The following CHM variants were observed in gnomAD, a reference collection of about 807,000 sequenced individuals.
CHM encodes rab proteins geranylgeranyltransferase component A 1.
CHM carries 10 observed loss-of-function variants against 49.0 expected under a neutral mutation model. The ratio of observed to expected loss-of-function variants is 0.20; its 90% CI spans 0.13 to 0.35. The LOEUF (loss-of-function observed/expected upper bound fraction) is 0.35, where lower values mean the gene tolerates loss of function less well. Ranked by LOEUF, CHM falls within the 10% of genes least tolerant of loss-of-function variation. The pLI, the probability that CHM is intolerant of heterozygous loss-of-function variation, is 1.00. For missense variants in CHM, 455 were observed against 478.4 expected (o/e 0.95, Z 0.46); for synonymous variants, 184 against 167.5 (o/e 1.10, Z -0.76).
intron 1 of CHM, among the ~76,000 whole-genome samples, chrX:86,032,791 C>A (rs1465712795): frequency 9.0e-6 from 1 of 111,183 alleles, no homozygotes; most frequent in Non-Finnish European, 1.9e-5. Context: ...ATTAAGTTAC[C>A]ATTTCATAAC....
rs184489585 is a variant in CHM, at chrX:85,862,401, T to A, written c.*2229A>T. On this transcript the variant is annotated 3_prime_UTR_variant, in exon 15 of 15. Transcript: ENST00000357749. ...ATTGTATTCAGACTCAATCGTCTCA[T>A]CTACTGGAACCTTTTATAATATATT... The A allele has an allele frequency of 8.9e-6, 1 of 112,688 alleles. No homozygotes were observed. Among genetic ancestry groups the A allele is most frequent in the Non-Finnish European group, 1.9e-5 (1 of 53,291 alleles). The allele number at this position is 112,688 out of a possible 1,213,427, so 9.3% of individuals were successfully genotyped here. A position where few individuals can be genotyped will look rare whatever the true frequency, so the allele number is the denominator to read the frequency against.
At chrX:85,900,271 G>C (rs754755057) in intron 11 of CHM, among the ~76,000 whole-genome samples, 72 of 111,802 alleles carry the variant, frequency 6.4e-4, no homozygotes, top group African/African-American at 2.2e-3. Flanking sequence ...ACACAAAAAG[G>C]AAAGTACTGC....
At chrX:85,934,025 G>A (rs1182776218) in intron 8 of CHM, among the ~76,000 whole-genome samples, 1 of 107,653 alleles carries the variant, frequency 9.3e-6, no homozygotes, top group Non-Finnish European at 1.9e-5. Context: ...CTGTTGCCCA[G>A]GCTGGAGTGC....
chrX:85,980,395 C>T (rs1160803920), intron 3 of CHM, among the ~76,000 whole-genome samples: 2 of 112,291 alleles, frequency 1.8e-5, no homozygotes, highest in African/African-American at 6.5e-5. Flanking sequence ...ACAAATACTG[C>T]TTGTTTCTCT....
intron 1 of CHM, among the ~76,000 whole-genome samples, chrX:86,039,309 T>C (rs1273767992): frequency 1.6e-4 from 5 of 30,945 alleles, no homozygotes; most frequent in Admixed American, 1.1e-3. Context: ...CTCATATCCA[T>C]GTGTAAAACT....
chrX:86,012,074 A>G (rs910893832), intron 2 of CHM, among the ~76,000 whole-genome samples: 11 of 112,139 alleles, frequency 9.8e-5, no homozygotes, highest in African/African-American at 3.6e-4. Context: ...TAGGAAACTA[A>G]GACCACTAGT....
At chrX:85,926,400 C>G (rs977196437) in intron 8 of CHM, among the ~76,000 whole-genome samples, 66 of 111,213 alleles carry the variant, frequency 5.9e-4, no homozygotes, top group African/African-American at 2.0e-3. Context: ...TCTCAAAGAA[C>G]TCTGTTAGAT....
intron 5 of CHM, among the ~76,000 whole-genome samples, chrX:85,961,141 G>A (rs1930272681): frequency 1.8e-5 from 2 of 111,096 alleles, no homozygotes; most frequent in Admixed American, 1.9e-4. Context: ...TAGGTCTTTG[G>A]ACGAGCACGG....
At chrX:85,870,590 G>A (rs779449796) in intron 14 of CHM, among the ~76,000 whole-genome samples, 20 of 111,967 alleles carry the variant, frequency 1.8e-4, no homozygotes, top group Admixed American at 1.4e-3. Flanking sequence ...CCAAGAGGGT[G>A]GGGCTCCTGA....
At chrX:85,885,456 A>T (rs1170634231) in intron 12 of CHM, among the ~76,000 whole-genome samples, 1 of 110,673 alleles carries the variant, frequency 9.0e-6, no homozygotes, top group Non-Finnish European at 1.9e-5. Context: ...AAAAGCCATA[A>T]TTTTGTAATA....
chrX:85,900,532 T>G lies in CHM; in HGVS notation c.1413+114A>C, dbSNP rs971508160. ...TTCTCACCACAAAAAAAGGTAACTA[T>G]GTAAAGACATATGTTAATTAGCTTG... On this transcript the variant is annotated intron_variant, in intron 11 of 14. Transcript: ENST00000357749. The G allele has an allele frequency of 7.6e-6, 4 of 526,840 alleles. No individual in the cohort carries two copies. The African/African-American group carries it at 9.3e-5, about 12-fold the overall frequency. The allele number at this position is 526,840 out of a possible 1,213,427, so 43.4% of individuals were successfully genotyped here. A position where few individuals can be genotyped will look rare whatever the true frequency, so the allele number is the denominator to read the frequency against.
rs769169876 is a variant in CHM at position 86,045,262 on chromosome X, T to A, written c.49+2222A>T. Among the ~76,000 whole-genome samples the A allele has an allele frequency of 3.6e-5, 4 of 112,405 alleles. No homozygotes were observed. The Admixed American group carries it at 3.8e-4, about 11-fold the overall frequency. On this transcript the variant is annotated intron_variant, in intron 1 of 14. Transcript: ENST00000357749. Reference sequence around the variant, plus strand: ...AATACATTTAATAAAGCAAACATTTTAAAGGCTACTTTCAGCAAACTATTT... The same window carrying A: ...AATACATTTAATAAAGCAAACATTTAAAAGGCTACTTTCAGCAAACTATTT...
intron 11 of CHM, among the ~76,000 whole-genome samples, chrX:85,897,306 CGTGTGTGTGTGTGTGTGTGTGTGT>C: frequency 2.6e-5 from 2 of 76,507 alleles, no homozygotes; most frequent in African/African-American, 9.1e-5. Context: ...CTTGTGTGTG[CGTGTGTGTGTGTGTGTGTGTGTGT>C]GTGTGTGTGT....
chrX:85,880,710 T>C (rs1407124576), intron 12 of CHM, among the ~76,000 whole-genome samples: 1 of 111,626 alleles, frequency 9.0e-6, no homozygotes, highest in Admixed American at 9.6e-5. Context: ...TGTCTAGTAG[T>C]GAAGTAAGAT....
At chrX:85,951,103 T>C (rs1049260676) in intron 8 of CHM, among the ~76,000 whole-genome samples, 1 of 112,024 alleles carries the variant, frequency 8.9e-6, no homozygotes, top group Admixed American at 9.5e-5. Context: ...TTGCCACCAG[T>C]AGATGTAAAC....
intron 2 of CHM, among the ~76,000 whole-genome samples, chrX:85,985,296 G>A (rs1205678947): frequency 8.9e-6 from 1 of 112,341 alleles, no homozygotes; most frequent in African/African-American, 3.2e-5. Context: ...ACAAAAACGT[G>A]ACCAGACTGC....
In CHM at chrX:85,957,890, C is replaced by T; in HGVS notation, c.905G>A (p.Cys302Tyr). The T allele has an allele frequency of 1.7e-6, 2 of 1,209,073 alleles. No individual in the cohort carries two copies. Among genetic ancestry groups the T allele is most frequent in the South Asian group, 3.5e-5 (2 of 56,742 alleles). ...ATCAGGATATTTCTCATATTCCATA[C>T]AAAATGTAAGAAATTTCATTAGCAT... ...KRMLMKFLTF[C>Y]MEYEKYPDEY... Residue 302 changes from cysteine (C) to tyrosine (Y), a missense_variant, in exon 7 of 15, where the codon TGT becomes TAT. Transcript: ENST00000357749.
At chrX:85,968,654 C>T (rs1930708999) in intron 4 of CHM, among the ~76,000 whole-genome samples, 2 of 112,159 alleles carry the variant, frequency 1.8e-5, no homozygotes, top group Non-Finnish European at 1.9e-5. Context: ...AATAAAAAAG[C>T]ATAAACATGT....
In CHM at chrX:85,972,281, G is replaced by A. The variant is rs1171157663; in HGVS notation, c.314+6486C>T. Among the ~76,000 whole-genome samples, 5 of 113,412 alleles carry A rather than the reference G, an allele frequency of 4.4e-5. No individual in the cohort carries two copies. The East Asian group carries it at 1.4e-3, about 32-fold the overall frequency. ...CTCCACGTCCCCACCAGACTCAGGA[G>A]CCCAGCTGGCTTCACCCAGTGGATC... On this transcript the variant is annotated intron_variant, in intron 4 of 14. Coordinates refer to ENST00000357749, the MANE Select transcript of CHM (RefSeq NM_000390.4).
Sources: gnomAD v4.1 joint callset for allele counts (sites outside exome capture counted in the v4.1 genomes callset) on GRCh38, gnomAD v4.1.1 for gene constraint, MANE v1.5 for transcripts, NCBI Gene and HGNC (gene_info 2026-07-23, HGNC 2026-07-21) for gene names.